Variants in FAM168B observed in about 807,000 individuals in gnomAD.
FAM168B encodes the protein family with sequence similarity 168 member B.
Under a neutral mutation model 21.8 loss-of-function variants are expected in FAM168B, and 19 were observed. That is an observed-to-expected ratio of 0.87 (90% confidence interval 0.61 to 1.28). The LOEUF (loss-of-function observed/expected upper bound fraction) is 1.28. FAM168B is among the 50% of genes most tolerant of loss of function. The pLI is 0.00. For missense variants in FAM168B, 233 were observed against 263.1 expected, an observed-to-expected ratio of 0.89 and a Z score of 0.79; for synonymous variants, 126 against 104.8, an observed-to-expected ratio of 1.20 and a Z score of -1.24.
Position 131,048,610 on chromosome 2 carries a change from C to T in FAM168B, c.*3855G>A, listed in dbSNP as rs138342362. On this transcript the variant is annotated 3_prime_UTR_variant, in exon 7 of 7. Transcript: ENST00000389915. ...TACCCCAACTTCTGTGTTACTTGGTCAGTTGAGCCCCTGGAGCCCTCAGGA... is the reference window on the plus strand; with the variant it reads ...TACCCCAACTTCTGTGTTACTTGGTTAGTTGAGCCCCTGGAGCCCTCAGGA... 7.4e-6 allele frequency: 8 copies of T among 1,084,776 alleles called. No homozygotes were observed. The East Asian group carries it at 5.9e-4, about 80-fold the overall frequency. 67.2% of individuals were successfully genotyped at this position (1,084,776 alleles called of 1,614,324 possible). A position where few individuals can be genotyped will look rare whatever the true frequency, so the allele number is the denominator to read the frequency against.
In FAM168B at chr2:131,051,863, A is replaced by C; in HGVS notation, c.*602T>G. On this transcript the variant is annotated 3_prime_UTR_variant, in exon 7 of 7. Coordinates refer to ENST00000389915, the MANE Select transcript of FAM168B (RefSeq NM_001009993.4). ...CTGTGGCTTCCCTACTCTCTCCCAA[A>C]CCTCGCAACTCCCTCCCAGGACAGT... The C allele has an allele frequency of 1.0e-6, 1 of 985,198 alleles. No individual in the cohort carries two copies. The allele number at this position is 985,198 out of a possible 1,614,324, so 61.0% of individuals were successfully genotyped here. A position where few individuals can be genotyped will look rare whatever the true frequency, so the allele number is the denominator to read the frequency against.
chr2:131,055,463 A>C lies in FAM168B; in HGVS notation c.298-14T>G. The C allele has an allele frequency of 1.9e-6, 3 of 1,605,366 alleles. No homozygotes were observed. Among genetic ancestry groups the C allele is most frequent in the Non-Finnish European group, 2.5e-6 (3 of 1,177,634 alleles). On this transcript the variant is annotated splice_polypyrimidine_tract_variant and intron_variant, in intron 4 of 6. Coordinates refer to ENST00000389915, the MANE Select transcript of FAM168B (RefSeq NM_001009993.4). ...GTACGTGCCTTGCTGTGGGGAGAAG[A>C]GAGACAACTGACACAGGGTCCCAGG...
chr2:131,068,034 C>CA (rs1461942617), intron 3 of FAM168B, among the ~76,000 whole-genome samples: 2 of 152,182 alleles, frequency 1.3e-5, no homozygotes, highest in East Asian at 3.8e-4. Flanking sequence ...ACAAGACCCC[C>CA]ATCTCTTAAA....
Position 131,051,224 on chromosome 2 carries a change from A to C in FAM168B, c.*1241T>G. On this transcript the variant is annotated 3_prime_UTR_variant, in exon 7 of 7. Coordinates refer to ENST00000389915, the MANE Select transcript of FAM168B (RefSeq NM_001009993.4). Reference sequence around the variant, plus strand: ...CGCCCCATCTCTAAGCGTCCCCTCCAGCCGGCCTCAGCAGACAAGTCACCA... The same window carrying C: ...CGCCCCATCTCTAAGCGTCCCCTCCCGCCGGCCTCAGCAGACAAGTCACCA... 1.0e-6 allele frequency: 1 copy of C among 985,280 alleles called. No homozygotes were observed. Among genetic ancestry groups the C allele is most frequent in the Non-Finnish European group, 1.2e-6 (1 of 829,928 alleles). The allele number at this position is 985,280 out of a possible 1,614,324, so 61.0% of individuals were successfully genotyped here. A position where few individuals can be genotyped will look rare whatever the true frequency, so the allele number is the denominator to read the frequency against.
At position 131,051,249 on chromosome 2, in the gene FAM168B, A is replaced by G; in HGVS notation, c.*1216T>C. 4.1e-6 allele frequency: 4 copies of G among 985,292 alleles called. No homozygotes were observed. In the South Asian group the frequency reaches 1.9e-4, roughly 46 times the overall value. 61.0% of individuals were successfully genotyped at this position (985,292 alleles called of 1,614,324 possible). A position where few individuals can be genotyped will look rare whatever the true frequency, so the allele number is the denominator to read the frequency against. On this transcript the variant is annotated 3_prime_UTR_variant, in exon 7 of 7. Coordinates refer to ENST00000389915, the MANE Select transcript of FAM168B (RefSeq NM_001009993.4). The stretch of plus-strand genomic sequence containing the variant: ...AGCCGGCCTCAGCAGACAAGTCACC[A>G]CCATCAGGTGGGTGATCCCAGAAGC...
rs573217849 is a variant in FAM168B, at chr2:131,088,430, G to A, written c.-12+4784C>T. 9.2e-5 allele frequency among the ~76,000 whole-genome samples: 14 copies of A among 152,000 alleles called. No homozygotes were observed. In the East Asian group the frequency reaches 1.5e-3, roughly 17 times the overall value. On this transcript the variant is annotated intron_variant, in intron 1 of 6. Coordinates refer to ENST00000389915, the MANE Select transcript of FAM168B (RefSeq NM_001009993.4). ...CAATGGTGGGGGGAAAAGGGGGCGG[G>A]AGAGGAGGAAGGCCAGATAATTCTA...
intron 1 of FAM168B, among the ~76,000 whole-genome samples, chr2:131,089,415 A>C (rs1693892362): frequency 6.6e-6 from 1 of 151,954 alleles, no homozygotes; most frequent in African/African-American, 2.4e-5. Flanking sequence ...TCAAATCATA[A>C]TCAGAAGAAA....
chr2:131,092,995 C>T (rs1432570217), intron 1 of FAM168B, among the ~76,000 whole-genome samples: 1 of 151,822 alleles, frequency 6.6e-6, no homozygotes, highest in Non-Finnish European at 1.5e-5. Flanking sequence ...GCGGCAGGCC[C>T]GCGCCGCCCG....
At position 131,055,632 on chromosome 2, in the gene FAM168B, T is replaced by C; in HGVS notation, c.218A>G (p.Tyr73Cys). The C allele has an allele frequency of 6.2e-7, 1 of 1,609,226 alleles. No individual in the cohort carries two copies. Among genetic ancestry groups the C allele is most frequent in the Admixed American group, 1.7e-5 (1 of 59,490 alleles). ...CTGGTAGGGGTTCGGGGAGGAGGAG[T>C]ACGGTGGCACAGCCCCGCTGGTGGG... Reference protein sequence around the residue: ...CSPTSGAVPPYSSSPNPYQTA... With the variant: ...CSPTSGAVPPCSSSPNPYQTA... Residue 73 changes from tyrosine to cysteine, a missense_variant, in exon 4 of 7, where the codon TAC (tyrosine) becomes TGC (cysteine). Transcript: ENST00000389915.
chr2:131,075,365 C>G (rs899029471), intron 2 of FAM168B, among the ~76,000 whole-genome samples: 4 of 151,902 alleles, frequency 2.6e-5, no homozygotes, highest in Non-Finnish European at 5.9e-5. Context: ...AATTCCTCAT[C>G]TCTCCCTAAA....
chr2:131,055,708 A>G lies in FAM168B; in HGVS notation c.155-13T>C, dbSNP rs569669456. The G allele has an allele frequency of 1.2e-6, 2 of 1,612,882 alleles. No homozygotes were observed. The highest frequency in any genetic ancestry group is 2.7e-5 in the African/African-American group (2 of 75,004). ...CCAGGAGTGTAACCTGGAACAAAGA[A>G]GGCAATGGCCTGAGTTCACCCAAGC... On this transcript the variant is annotated splice_polypyrimidine_tract_variant and intron_variant, in intron 3 of 6. Coordinates refer to ENST00000389915, the MANE Select transcript of FAM168B (RefSeq NM_001009993.4).
Position 131,050,088 on chromosome 2 carries a change from G to A in FAM168B, c.*2377C>T, listed in dbSNP as rs573025662. ...AAAAGGGAAAAAAGGTTAAGTTACA[G>A]GGAGGAAGAAAAGTGTTTATGAAGC... On this transcript the variant is annotated 3_prime_UTR_variant, in exon 7 of 7. Transcript: ENST00000389915. 2.0e-6 allele frequency: 2 copies of A among 985,424 alleles called. No individual in the cohort carries two copies. Among genetic ancestry groups the A allele is most frequent in the Admixed American group, 6.1e-5 (1 of 16,286 alleles). 61.0% of individuals were successfully genotyped at this position (985,424 alleles called of 1,614,324 possible).
chr2:131,072,845 G>A (rs896971302), intron 2 of FAM168B, among the ~76,000 whole-genome samples: 2 of 152,080 alleles, frequency 1.3e-5, no homozygotes, highest in Admixed American at 6.6e-5. Flanking sequence ...GGTATCACAC[G>A]CTAGGTCCTG....
chr2:131,050,014 T>C lies in FAM168B; in HGVS notation c.*2451A>G, dbSNP rs1691555515. The stretch of plus-strand genomic sequence containing the variant: ...AAAATTTCAAAGTCAGAAAGATTTC[T>C]GCACGGATGTGCAATGCAAACTTAT... On this transcript the variant is annotated 3_prime_UTR_variant, in exon 7 of 7. Transcript: ENST00000389915. The C allele has an allele frequency of 2.0e-6, 2 of 985,392 alleles. No individual in the cohort carries two copies. Among genetic ancestry groups the C allele is most frequent in the African/African-American group, 3.5e-5 (2 of 57,258 alleles). The allele number at this position is 985,392 out of a possible 1,614,324, so 61.0% of individuals were successfully genotyped here. A position where few individuals can be genotyped will look rare whatever the true frequency, so the allele number is the denominator to read the frequency against.
intron 1 of FAM168B, among the ~76,000 whole-genome samples, chr2:131,087,831 G>C (rs970469744): frequency 2.0e-5 from 3 of 152,208 alleles, no homozygotes; most frequent in Non-Finnish European, 4.4e-5. Context: ...AGTTGGACAT[G>C]AACATTTGTA....
chr2:131,079,744 G>A (rs1019986264), intron 2 of FAM168B, among the ~76,000 whole-genome samples: 2 of 151,912 alleles, frequency 1.3e-5, no homozygotes, highest in Non-Finnish European at 2.9e-5. Flanking sequence ...AAACACACCC[G>A]GCAAAAGAAT....
intron 3 of FAM168B, among the ~76,000 whole-genome samples, chr2:131,067,800 G>GA (rs999299858): frequency 6.6e-6 from 1 of 152,004 alleles, no homozygotes; most frequent in Admixed American, 6.6e-5. Flanking sequence ...CAGGAAGGGA[G>GA]AAAAACTTCT....
chr2:131,084,365 AT>A (rs1234141095), intron 1 of FAM168B, among the ~76,000 whole-genome samples: 297 of 140,788 alleles, frequency 2.1e-3, no homozygotes, highest in Non-Finnish European at 2.1e-3. Context: ...TAAGTTTTGT[AT>A]TTTTTTTTTT....
intron 1 of FAM168B, among the ~76,000 whole-genome samples, chr2:131,086,503 T>A (rs998489006): frequency 6.6e-6 from 1 of 152,158 alleles, no homozygotes; most frequent in Non-Finnish European, 1.5e-5. Flanking sequence ...TCCCAGCTAC[T>A]TGAGATCAAT....
Sources: gnomAD v4.1 joint callset for allele counts (sites outside exome capture counted in the v4.1 genomes callset) on GRCh38, gnomAD v4.1.1 for gene constraint, MANE v1.5 for transcripts, NCBI Gene and HGNC (gene_info 2026-07-23, HGNC 2026-07-21) for gene names.